Variants in PTPRT observed in about 807,000 individuals in gnomAD.
PTPRT encodes protein tyrosine phosphatase receptor type T, also known as receptor-type tyrosine-protein phosphatase T.
In PTPRT, 56 loss-of-function variants were observed where a neutral mutation model predicts 176.8. That is an observed-to-expected ratio of 0.32 (90% CI 0.26 to 0.40). The LOEUF (loss-of-function observed/expected upper bound fraction) is 0.40. Among genes scored for constraint, PTPRT ranks in the 10% least tolerant of loss-of-function variants. The probability of loss-of-function intolerance (pLI) is 1.00; values close to 1 mark genes in which losing one functional copy is unlikely to be tolerated. For synonymous variants in PTPRT, 783 were observed against 739.0 expected (o/e 1.06, Z -0.96); for missense variants, 1,540 against 1,908.2 (o/e 0.81, Z 3.60).
chr20:42,648,889 G>A (rs1415822772), intron 7 of PTPRT, among the ~76,000 whole-genome samples: 1 of 142,626 alleles, frequency 7.0e-6, no homozygotes, highest in African/African-American at 2.6e-5. Flanking sequence ...TGTAATCTCA[G>A]CTCACTGCAA....
chr20:42,653,862 T>C (rs1158681338), intron 7 of PTPRT, among the ~76,000 whole-genome samples: 1 of 152,134 alleles, frequency 6.6e-6, no homozygotes. Flanking sequence ...TTTGACAATA[T>C]CTATAAAGGC....
intron 6 of PTPRT, among the ~76,000 whole-genome samples, chr20:42,747,658 G>C (rs921603232): frequency 6.6e-6 from 1 of 152,186 alleles, no homozygotes; most frequent in African/African-American, 2.4e-5. Context: ...AGAAATGCAT[G>C]TCAGGCAAAG....
intron 1 of PTPRT, among the ~76,000 whole-genome samples, chr20:42,955,490 A>T (rs1347869216): frequency 6.6e-6 from 1 of 152,212 alleles, no homozygotes; most frequent in African/African-American, 2.4e-5. Flanking sequence ...TGCATGCCTG[A>T]GGCCTCCCAA....
intron 1 of PTPRT, among the ~76,000 whole-genome samples, chr20:43,094,693 G>A (rs1568781674): frequency 6.6e-6 from 1 of 152,054 alleles, no homozygotes; most frequent in South Asian, 2.1e-4. Flanking sequence ...CACCATGCCC[G>A]GCCTCTTCTC....
chr20:42,141,134 C>T (rs16986553), intron 18 of PTPRT, among the ~76,000 whole-genome samples: 8,849 of 152,228 alleles, frequency 0.058, 355 homozygotes, highest in East Asian at 0.19. Context: ...CTTAGCTCTG[C>T]GTAACATGCC....
chr20:42,894,641 A>G (rs2079261793), intron 1 of PTPRT, among the ~76,000 whole-genome samples: 1 of 152,212 alleles, frequency 6.6e-6, no homozygotes, highest in Admixed American at 6.5e-5. Flanking sequence ...ATGGTGATGA[A>G]CTGAAAAGAT....
intron 7 of PTPRT, among the ~76,000 whole-genome samples, chr20:42,638,684 A>C (rs1046017662): frequency 1.3e-5 from 2 of 152,314 alleles, no homozygotes; most frequent in African/African-American, 4.8e-5. Flanking sequence ...GAATGGAATA[A>C]GCACCGAACC....
At chr20:42,610,380 T>G (rs1020777109) in intron 7 of PTPRT, among the ~76,000 whole-genome samples, 8 of 85,878 alleles carry the variant, frequency 9.3e-5, no homozygotes, top group East Asian at 2.3e-4. Flanking sequence ...ACTTGTTTTG[T>G]TTTTTTTTTT....
intron 4 of PTPRT, among the ~76,000 whole-genome samples, chr20:42,773,105 C>T (rs1161506713): frequency 3.3e-5 from 5 of 152,218 alleles, no homozygotes. Context: ...CCAGGGTCTG[C>T]AGAAGGGGCT....
At chr20:42,941,678 G>T (rs1345285689) in intron 1 of PTPRT, among the ~76,000 whole-genome samples, 1 of 152,042 alleles carries the variant, frequency 6.6e-6, no homozygotes, top group South Asian at 2.1e-4. Context: ...CTCCTTTAAT[G>T]ATGTCACTAG....
At chr20:42,261,563 T>C (rs2056749515) in intron 13 of PTPRT, among the ~76,000 whole-genome samples, 1 of 151,928 alleles carries the variant, frequency 6.6e-6, no homozygotes, top group Admixed American at 6.5e-5. Context: ...TTTCACTAAA[T>C]GAAATGCAAA....
intron 1 of PTPRT, among the ~76,000 whole-genome samples, chr20:43,115,733 T>C (rs75684249): frequency 0.014 from 2,132 of 152,284 alleles, 43 homozygotes; most frequent in African/African-American, 0.048. Context: ...TGGAGTGACT[T>C]AGAAACAGCA....
chr20:42,563,876 A>G (rs2072994684), intron 7 of PTPRT, among the ~76,000 whole-genome samples: 1 of 152,162 alleles, frequency 6.6e-6, no homozygotes, highest in Non-Finnish European at 1.5e-5. Context: ...CACAAGAAAG[A>G]TTTCTTTTTC....
chr20:42,777,884 C>A (rs764564098), intron 4 of PTPRT, among the ~76,000 whole-genome samples: 1 of 152,160 alleles, frequency 6.6e-6, no homozygotes, highest in African/African-American at 2.4e-5. Context: ...CAATTCCAGC[C>A]ACTCCTATGG....
Position 43,155,275 on chromosome 20 carries a change from C to T in PTPRT, c.88+34371G>A, listed in dbSNP as rs187430055. ...ATGTTAGCCAAGATACAAAATCAAT[C>T]TAAATGTCCATCAGTGGATGAATGG... On this transcript the variant is annotated intron_variant, in intron 1 of 30. Transcript: ENST00000373187. Among the ~76,000 whole-genome samples, 85 of 152,242 alleles carry T rather than the reference C, an allele frequency of 5.6e-4. 1 individual carries two copies. Among genetic ancestry groups the T allele is most frequent in the East Asian group, 2.3e-3 (12 of 5,190 alleles).
At chr20:43,143,938 C>T (rs1420307878) in intron 1 of PTPRT, among the ~76,000 whole-genome samples, 1 of 152,168 alleles carries the variant, frequency 6.6e-6, no homozygotes, top group African/African-American at 2.4e-5. Context: ...CATCTGGTAA[C>T]AGGAAACTCT....
intron 1 of PTPRT, among the ~76,000 whole-genome samples, chr20:43,159,015 G>C (rs560562461): frequency 1.3e-5 from 2 of 152,288 alleles, no homozygotes; most frequent in African/African-American, 4.8e-5. Flanking sequence ...ATGAGGATAA[G>C]GGAACAAATC....
intron 6 of PTPRT, among the ~76,000 whole-genome samples, chr20:42,720,263 A>T (rs1236237342): frequency 3.9e-5 from 6 of 152,218 alleles, no homozygotes; most frequent in Non-Finnish European, 7.3e-5. Flanking sequence ...TATCATGTGT[A>T]TCCCTTAGCA....
intron 1 of PTPRT, among the ~76,000 whole-genome samples, chr20:43,088,226 C>T (rs752728270): frequency 3.9e-5 from 6 of 152,082 alleles, no homozygotes; most frequent in African/African-American, 7.2e-5. Context: ...CAGTAGTCAA[C>T]ATGAATAATA....
Sources: gnomAD v4.1 joint callset for allele counts (sites outside exome capture counted in the v4.1 genomes callset) on GRCh38, gnomAD v4.1.1 for gene constraint, MANE v1.5 for transcripts, NCBI Gene and HGNC (gene_info 2026-07-23, HGNC 2026-07-21) for gene names.